TMEM164: variants seen among roughly 807,000 people sequenced by gnomAD.
TMEM164 encodes RP13-360B22.2.
In TMEM164, 4 loss-of-function variants were observed where a neutral mutation model predicts 18.8. That is an observed-to-expected ratio of 0.21 (90% CI 0.10 to 0.49). The LOEUF is 0.49. Ranked by LOEUF, TMEM164 falls within the 20% of genes least tolerant of loss-of-function variation. The pLI, the probability that TMEM164 is intolerant of heterozygous loss-of-function variation, is 0.98. For missense variants in TMEM164, 108 were observed against 239.9 expected (o/e 0.45, Z 3.63); for synonymous variants, 86 against 101.7 (o/e 0.85, Z 0.93).
intron 5 of TMEM164, among the ~76,000 whole-genome samples, chrX:110,158,542 G>T (rs1365776267): frequency 1.8e-5 from 2 of 112,526 alleles, no homozygotes; most frequent in African/African-American, 6.5e-5. Flanking sequence ...AGCAGAATGG[G>T]AGACAGAGCA....
At chrX:110,048,411 G>A (rs1445163606) in intron 2 of TMEM164, among the ~76,000 whole-genome samples, 1 of 112,060 alleles carries the variant, frequency 8.9e-6, no homozygotes, top group Admixed American at 9.5e-5. Flanking sequence ...GACCATGTCT[G>A]TGTTACTCAC....
rs1307149121 is a variant in TMEM164 at position 110,017,446 on chromosome X, C to CTTTCTT, written c.390+13283_390+13284insTTCTTT. On this transcript the variant is annotated intron_variant, in intron 2 of 6. Transcript: ENST00000372068. ...TCTTTCTTTCTTTCTTTCTTTCTTT[C>CTTTCTT]TCTCTCTCTCTCTCTCTTTCTTTCC... Among the ~76,000 whole-genome samples, 144 of 79,129 alleles carry CTTTCTT rather than the reference C, an allele frequency of 1.8e-3. 4 individuals are homozygous for CTTTCTT. The highest frequency in any genetic ancestry group is 6.7e-3 in the African/African-American group (133 of 19,909). The allele number at this position is 79,129 out of a possible 115,157, so 68.7% of individuals were successfully genotyped here. A position where few individuals can be genotyped will look rare whatever the true frequency, so the allele number is the denominator to read the frequency against.
chrX:110,184,229 ATAAAG>A (rs921753971), downstream of TMEM164, among the ~76,000 whole-genome samples: 5 of 109,544 alleles, frequency 4.6e-5, no homozygotes, highest in Non-Finnish European at 9.5e-5. Flanking sequence ...TCTCTGAAAA[ATAAAG>A]TATATTTAAA....
chrX:110,180,497 C>CCG (rs1569366523), downstream of TMEM164, among the ~76,000 whole-genome samples: 2,649 of 108,555 alleles, frequency 0.024, 93 homozygotes, highest in African/African-American at 0.09. Context: ...CCCCCCGCCC[C>CCG]GCCCACAGTC....
intron 4 of TMEM164, among the ~76,000 whole-genome samples, chrX:110,115,372 G>A (rs2147991041): frequency 8.9e-6 from 1 of 111,920 alleles, no homozygotes; most frequent in South Asian, 3.7e-4. Flanking sequence ...TTCAAAAGAG[G>A]TATTAATTTT....
chrX:110,037,096 G>C (rs183659289), intron 2 of TMEM164, among the ~76,000 whole-genome samples: 60 of 110,279 alleles, frequency 5.4e-4, no homozygotes, highest in Admixed American at 2.6e-3. Context: ...AGGCAGTCTA[G>C]ACCCTGGTAG....
chrX:110,122,740 T>A (rs897048386), intron 4 of TMEM164, among the ~76,000 whole-genome samples: 2 of 111,761 alleles, frequency 1.8e-5, no homozygotes, highest in South Asian at 7.3e-4. Flanking sequence ...TGGAGAAATA[T>A]CTTTTCAGAT....
intron 2 of TMEM164, among the ~76,000 whole-genome samples, chrX:110,062,298 T>C (rs1032001328): frequency 8.9e-6 from 1 of 112,074 alleles, no homozygotes. Flanking sequence ...GAAATATGGC[T>C]GGCCAATATA....
At chrX:110,034,429 A>G (rs1223264352) in intron 2 of TMEM164, among the ~76,000 whole-genome samples, 1 of 112,721 alleles carries the variant, frequency 8.9e-6, no homozygotes, top group East Asian at 2.8e-4. Context: ...GCCAGATAGT[A>G]AATGTTTTAG....
intron 2 of TMEM164, among the ~76,000 whole-genome samples, chrX:110,027,683 C>T (rs1024276278): frequency 1.8e-5 from 2 of 110,592 alleles, no homozygotes; most frequent in Admixed American, 1.9e-4. Context: ...TTGCTTGAAT[C>T]CGGGAGGTGG....
intron 5 of TMEM164, among the ~76,000 whole-genome samples, chrX:110,151,018 A>G (rs1293011329): frequency 8.9e-6 from 1 of 112,325 alleles, no homozygotes; most frequent in Non-Finnish European, 1.9e-5. Flanking sequence ...CTGGTACTCA[A>G]ATAGCAAGTG....
chrX:110,078,587 G>A (rs935632590), intron 3 of TMEM164, among the ~76,000 whole-genome samples: 1 of 111,671 alleles, frequency 9.0e-6, no homozygotes, highest in Non-Finnish European at 1.9e-5. Flanking sequence ...GGAGGCCGAG[G>A]CAGGTGGATC....
intron 3 of TMEM164, among the ~76,000 whole-genome samples, chrX:110,092,478 A>G (rs2065945593): frequency 9.0e-6 from 1 of 111,529 alleles, no homozygotes; most frequent in Non-Finnish European, 1.9e-5. Flanking sequence ...GCAATTGTGA[A>G]TGGGAGTTCA....
intron 2 of TMEM164, among the ~76,000 whole-genome samples, chrX:110,034,881 T>C (rs1934703061): frequency 9.5e-6 from 1 of 105,005 alleles, no homozygotes; most frequent in African/African-American, 3.5e-5. Flanking sequence ...CATGGAATAC[T>C]ATGTAGCCAT....
chrX:110,110,824 CAA>C (rs746484942), intron 4 of TMEM164, among the ~76,000 whole-genome samples: 1 of 112,527 alleles, frequency 8.9e-6, no homozygotes, highest in African/African-American at 3.2e-5. Context: ...GTGTGTAACT[CAA>C]AGTGTGGTCC....
chrX:110,149,033 G>GT (rs1013367468), intron 5 of TMEM164, among the ~76,000 whole-genome samples: 3 of 110,161 alleles, frequency 2.7e-5, no homozygotes, highest in African/African-American at 9.9e-5. Flanking sequence ...TCTTATCCAC[G>GT]TAACCATGTG....
intron 2 of TMEM164, among the ~76,000 whole-genome samples, chrX:110,014,744 C>CTTTTTTTTTTTTTTTTTTTTTTTTGTTTT (rs142705177): frequency 1.8e-5 from 1 of 54,239 alleles, no homozygotes; most frequent in Non-Finnish European, 3.2e-5. Context: ...TTGGTTGTTT[C>CTTTTTTTTTTTTTTTTTTTTTTTTGTTTT]TTTTTTTTTT....
chrX:110,030,108 G>GTTTTTTT (rs34803907), intron 2 of TMEM164, among the ~76,000 whole-genome samples: 1 of 26,970 alleles, frequency 3.7e-5, no homozygotes, highest in Non-Finnish European at 6.3e-5. Flanking sequence ...TTCTCTGTCT[G>GTTTTTTT]TTTTTTTTTT....
At chrX:110,127,712 T>C (rs1258352466) in intron 4 of TMEM164, among the ~76,000 whole-genome samples, 2 of 111,691 alleles carry the variant, frequency 1.8e-5, no homozygotes, top group Non-Finnish European at 3.8e-5. Context: ...GAGGAAGAGC[T>C]AGGGTCCCCA....
Sources: gnomAD v4.1 joint callset for allele counts (sites outside exome capture counted in the v4.1 genomes callset) on GRCh38, gnomAD v4.1.1 for gene constraint, MANE v1.5 for transcripts, NCBI Gene and HGNC (gene_info 2026-07-23, HGNC 2026-07-21) for gene names.